Variants in KHDRBS2 observed in about 807,000 individuals in gnomAD.
KHDRBS2 encodes KH RNA binding domain containing, signal transduction associated 2, also known as KH domain-containing, RNA-binding, signal transduction-associated protein 2.
Under a neutral mutation model 44.3 loss-of-function variants are expected in KHDRBS2, and 26 were observed. That is an observed-to-expected ratio of 0.59 (90% CI 0.43 to 0.81). The LOEUF (loss-of-function observed/expected upper bound fraction) is 0.81. Ranked by LOEUF, KHDRBS2 falls within the 40% of genes least tolerant of loss-of-function variation. The pLI, the probability that KHDRBS2 is intolerant of heterozygous loss-of-function variation, is 0.00. For missense variants in KHDRBS2, 476 were observed against 433.1 expected (o/e 1.10, Z -0.88); for synonymous variants, 194 against 151.1 (o/e 1.28, Z -2.08).
At chr6:62,001,230 G>A (rs1035734192) in intron 3 of KHDRBS2, among the ~76,000 whole-genome samples, 3 of 152,116 alleles carry the variant, frequency 2.0e-5, no homozygotes, top group Admixed American at 6.6e-5. Flanking sequence ...TGGAGTTAAT[G>A]GGTCAGTAGT....
the KHDRBS2 span, among the ~76,000 whole-genome samples, chr6:61,672,618 G>T: frequency 6.6e-6 from 1 of 151,906 alleles, no homozygotes; most frequent in African/African-American, 2.4e-5. Flanking sequence ...ATTTTTTCAT[G>T]TGTCTTTTGG....
chr6:61,673,392 C>T, the KHDRBS2 span, among the ~76,000 whole-genome samples: 283 of 151,908 alleles, frequency 1.9e-3, 2 homozygotes, highest in South Asian at 0.021. Flanking sequence ...CTCACCACTC[C>T]TATTCAACAT....
the KHDRBS2 span, among the ~76,000 whole-genome samples, chr6:61,648,569 T>C: frequency 1.3e-5 from 2 of 152,132 alleles, no homozygotes; most frequent in African/African-American, 4.8e-5. Flanking sequence ...GAACACACGT[T>C]CTGCCTCCAA....
intron 6 of KHDRBS2, among the ~76,000 whole-genome samples, chr6:61,817,887 T>C (rs370945362): frequency 2.0e-5 from 3 of 152,200 alleles, no homozygotes; most frequent in East Asian, 3.9e-4. Context: ...GTTGAAACAT[T>C]GGTGACAGGC....
the KHDRBS2 span, among the ~76,000 whole-genome samples, chr6:61,667,888 C>T: frequency 2.0e-5 from 3 of 151,088 alleles, no homozygotes; most frequent in African/African-American, 7.3e-5. Flanking sequence ...TTGAATATTA[C>T]TTAAAATATT....
chr6:62,144,855 C>G (rs1222366835), intron 2 of KHDRBS2, among the ~76,000 whole-genome samples: 1 of 151,876 alleles, frequency 6.6e-6, no homozygotes, highest in Non-Finnish European at 1.5e-5. Context: ...AAGACAGTAG[C>G]ATGCCTACAA....
chr6:62,240,704 A>ATG (rs1563119784), intron 1 of KHDRBS2, among the ~76,000 whole-genome samples: 4 of 136,780 alleles, frequency 2.9e-5, no homozygotes, highest in East Asian at 4.2e-4. Flanking sequence ...ATATATATAT[A>ATG]TATATATATA....
At chr6:61,597,560 G>C in the KHDRBS2 span, among the ~76,000 whole-genome samples, 1 of 151,026 alleles carries the variant, frequency 6.6e-6, no homozygotes, top group Non-Finnish European at 1.5e-5. Flanking sequence ...ATTAACCATT[G>C]AATGGAGAAA....
intron 6 of KHDRBS2, among the ~76,000 whole-genome samples, chr6:61,849,250 A>G (rs993562427): frequency 1.3e-5 from 2 of 152,096 alleles, no homozygotes; most frequent in African/African-American, 2.4e-5. Flanking sequence ...ACTGATCATA[A>G]TATCACTGGT....
At chr6:62,007,387 C>G (rs1779446943) in intron 3 of KHDRBS2, among the ~76,000 whole-genome samples, 1 of 150,930 alleles carries the variant, frequency 6.6e-6, no homozygotes, top group Non-Finnish European at 1.5e-5. Flanking sequence ...GGTTAAAGCT[C>G]TTTTACATTT....
At chr6:61,991,563 T>C (rs1324256290) in intron 3 of KHDRBS2, among the ~76,000 whole-genome samples, 1 of 152,194 alleles carries the variant, frequency 6.6e-6, no homozygotes, top group Non-Finnish European at 1.5e-5. Context: ...CCAGTAGATA[T>C]TGCCAGAATC....
chr6:62,062,472 T>A (rs921577287), intron 2 of KHDRBS2, among the ~76,000 whole-genome samples: 326 of 151,768 alleles, frequency 2.1e-3, no homozygotes, highest in Non-Finnish European at 3.5e-3. Context: ...GGATTAAGAA[T>A]CTCACTCAAA....
chr6:61,735,996 G>A (rs561900688), intron 6 of KHDRBS2, among the ~76,000 whole-genome samples: 26 of 151,772 alleles, frequency 1.7e-4, no homozygotes, highest in Admixed American at 1.7e-3. Context: ...GCCTTTGTGT[G>A]TGTGTTTCTT....
At chr6:62,105,428 G>A (rs900681296) in intron 2 of KHDRBS2, among the ~76,000 whole-genome samples, 27 of 152,154 alleles carry the variant, frequency 1.8e-4, no homozygotes, top group African/African-American at 5.8e-4. Flanking sequence ...TGGTTGGTAA[G>A]CTATTGATTA....
intron 2 of KHDRBS2, among the ~76,000 whole-genome samples, chr6:62,071,564 G>A (rs1584509614): frequency 6.6e-6 from 1 of 152,242 alleles, no homozygotes; most frequent in Middle Eastern, 3.4e-3. Flanking sequence ...CATATGGCTA[G>A]CCAGTATTCC....
intron 6 of KHDRBS2, among the ~76,000 whole-genome samples, chr6:61,831,794 A>G (rs574078473): frequency 7.9e-5 from 12 of 152,346 alleles, no homozygotes; most frequent in Non-Finnish European, 1.6e-4. Flanking sequence ...AAATATGCCA[A>G]TATAGAATAA....
chr6:61,780,071 T>A (rs574150090), intron 6 of KHDRBS2, among the ~76,000 whole-genome samples: 1 of 152,376 alleles, frequency 6.6e-6, no homozygotes, highest in East Asian at 1.9e-4. Context: ...TCAGTATATT[T>A]TTCTCCATGA....
the KHDRBS2 span, among the ~76,000 whole-genome samples, chr6:61,596,322 C>T: frequency 6.6e-6 from 1 of 152,124 alleles, no homozygotes; most frequent in African/African-American, 2.4e-5. Context: ...TCAATAGTCC[C>T]ACGCAAAAAA....
At chr6:61,605,138 C>T in the KHDRBS2 span, among the ~76,000 whole-genome samples, 1 of 152,166 alleles carries the variant, frequency 6.6e-6, no homozygotes, top group African/African-American at 2.4e-5. Context: ...CCTCGGGATG[C>T]TACAAGGTAC....
Sources: allele counts gnomAD v4.1 joint callset (sites outside exome capture counted in the v4.1 genomes callset), GRCh38; gene constraint gnomAD v4.1.1; transcripts MANE v1.5; gene names NCBI Gene and HGNC (gene_info 2026-07-23, HGNC 2026-07-21).